ANK2: variants seen among roughly 807,000 people sequenced by gnomAD.
ANK2 encodes the protein ankyrin 2, also known as ankyrin-2.
Under a neutral mutation model 360.5 loss-of-function variants are expected in ANK2, and 83 were observed. The ratio of observed to expected loss-of-function variants is 0.23; its 90% CI spans 0.19 to 0.28. The LOEUF (loss-of-function observed/expected upper bound fraction) is 0.28. ANK2 is among the 10% of genes least tolerant of loss of function. The probability of loss-of-function intolerance (pLI) is 1.00; values close to 1 mark genes in which losing one functional copy is unlikely to be tolerated. For missense variants in ANK2, 4,201 were observed against 4,795.7 expected (o/e 0.88, Z 3.66); for synonymous variants, 1,740 against 1,759.5 (o/e 0.99, Z 0.28).
In ANK2 at chr4:112,951,407, G is replaced by A. The variant is rs538857856; in HGVS notation, c.21+46893G>A. 1.3e-3 allele frequency among the ~76,000 whole-genome samples: 194 copies of A among 152,210 alleles called. 2 individuals are homozygous for A. The Middle Eastern group carries it at 0.014, about 11-fold the overall frequency. On this transcript the variant is annotated intron_variant, in intron 2 of 30. Coordinates refer to the ANK2 transcript ENST00000503271. ...CAGGAGTTATTTTGATAACTAGCTG[G>A]TATAAAAAAGGTTTTTAAAAAGATC...
chr4:112,755,904 C>T, the ANK2 span: 1 of 152,090 alleles, frequency 6.6e-6, no homozygotes, highest in South Asian at 2.1e-4. Context: ...AATACCACTG[C>T]ACTTGGACTA....
chr4:112,974,850 A>G (rs2040819291), intron 2 of ANK2, among the ~76,000 whole-genome samples: 1 of 152,072 alleles, frequency 6.6e-6, no homozygotes, highest in South Asian at 2.1e-4. Context: ...AGAAAAAGAA[A>G]AAAAAAAAAA....
At chr4:112,741,898 T>C in the ANK2 span, among the ~76,000 whole-genome samples, 5 of 152,330 alleles carry the variant, frequency 3.3e-5, no homozygotes, top group African/African-American at 1.2e-4. Flanking sequence ...TTCTTCTGAT[T>C]TATTGATATA....
chr4:113,054,376 A>G (rs1021133044), intron 1 of ANK2, among the ~76,000 whole-genome samples: 1 of 152,168 alleles, frequency 6.6e-6, no homozygotes, highest in Non-Finnish European at 1.5e-5. Flanking sequence ...GCCTAAATAG[A>G]GAGATGAAGG....
Position 113,350,270 on chromosome 4 carries a change from G to A in ANK2, c.4426+21G>A, listed in dbSNP as rs180836681. On this transcript the variant is annotated intron_variant, in intron 37 of 45. Transcript: ENST00000357077. ...AAAAAGTAAGAATTTAAAGAAAATT[G>A]AGTTTGTTTGAAAGCTGGCTACCAT... The A allele has an allele frequency of 4.7e-5, 75 of 1,595,492 alleles. No homozygotes were observed. In the African/African-American group the frequency reaches 7.8e-4, roughly 17 times the overall value.
chr4:112,773,646 G>A, the ANK2 span, among the ~76,000 whole-genome samples: 1 of 152,144 alleles, frequency 6.6e-6, no homozygotes, highest in Non-Finnish European at 1.5e-5. Flanking sequence ...GAAATAGAGA[G>A]ACACATTCAT....
intron 9 of ANK2, among the ~76,000 whole-genome samples, chr4:113,245,171 A>G (rs2042187459): frequency 6.6e-6 from 1 of 152,162 alleles, no homozygotes. Flanking sequence ...CATTCTGGCT[A>G]CAGCTAACAG....
chr4:113,161,798 G>A (rs1355688396), intron 1 of ANK2, among the ~76,000 whole-genome samples: 1 of 151,566 alleles, frequency 6.6e-6, no homozygotes, highest in African/African-American at 2.4e-5. Flanking sequence ...CATTAAATAT[G>A]TTGATGGGTC....
intron 1 of ANK2, among the ~76,000 whole-genome samples, chr4:112,869,536 G>A (rs147284853): frequency 7.4e-4 from 113 of 152,292 alleles, no homozygotes; most frequent in African/African-American, 2.5e-3. Flanking sequence ...ACCTGCCTTG[G>A]TCTCCCAAAG....
At chr4:112,882,125 C>G (rs990535643) in intron 1 of ANK2, 9 of 285,390 alleles carry the variant, frequency 3.2e-5, no homozygotes, top group African/African-American at 1.5e-4. Flanking sequence ...TGTTCCGGCT[C>G]TTTAGGACAG....
chr4:112,899,951 T>G (rs1398874709), intron 1 of ANK2, among the ~76,000 whole-genome samples: 3 of 152,084 alleles, frequency 2.0e-5, no homozygotes, highest in Non-Finnish European at 4.4e-5. Context: ...GGAGGTCATC[T>G]CTCCATATAG....
At chr4:112,707,245 A>T in the ANK2 span, among the ~76,000 whole-genome samples, 91 of 152,338 alleles carry the variant, frequency 6.0e-4, no homozygotes, top group African/African-American at 2.1e-3. Context: ...AGACTCCAGG[A>T]TTTATGAAAA....
chr4:112,963,021 G>A (rs2154261610), intron 2 of ANK2, among the ~76,000 whole-genome samples: 1 of 151,994 alleles, frequency 6.6e-6, no homozygotes, highest in South Asian at 2.1e-4. Context: ...CTTAATTTTT[G>A]AAATACTGCT....
chr4:113,344,840 A>T (rs1168268040), intron 34 of ANK2, among the ~76,000 whole-genome samples: 1 of 152,152 alleles, frequency 6.6e-6, no homozygotes, highest in East Asian at 1.9e-4. Context: ...ATTTGTTTTT[A>T]TTTATTTTTT....
At chr4:112,719,363 C>T in the ANK2 span, among the ~76,000 whole-genome samples, 1 of 152,134 alleles carries the variant, frequency 6.6e-6, no homozygotes, top group Middle Eastern at 3.2e-3. Flanking sequence ...GGGGAAAACA[C>T]TTAGTACTCA....
At chr4:112,717,372 A>G in the ANK2 span, among the ~76,000 whole-genome samples, 10 of 152,180 alleles carry the variant, frequency 6.6e-5, no homozygotes, top group African/African-American at 9.6e-5. Context: ...CTCTTCTGCT[A>G]TCTGTCTGCA....
At chr4:113,204,847 C>T (rs1401968082) in intron 4 of ANK2, among the ~76,000 whole-genome samples, 1 of 152,098 alleles carries the variant, frequency 6.6e-6, no homozygotes, top group African/African-American at 2.4e-5. Context: ...GTGAGTAAAG[C>T]GATTCAGGTG....
intron 1 of ANK2, among the ~76,000 whole-genome samples, chr4:113,069,743 T>C (rs1303440080): frequency 6.6e-6 from 1 of 152,188 alleles, no homozygotes; most frequent in Admixed American, 6.5e-5. Flanking sequence ...TATCCAGTGA[T>C]ATCTATTAAG....
intron 1 of ANK2, among the ~76,000 whole-genome samples, chr4:113,074,732 G>T (rs2079148096): frequency 6.6e-6 from 1 of 152,114 alleles, no homozygotes; most frequent in Non-Finnish European, 1.5e-5. Flanking sequence ...AAAGAATAAG[G>T]CCAGTTCTGT....
Sources: allele counts gnomAD v4.1 joint callset (sites outside exome capture counted in the v4.1 genomes callset), GRCh38; gene constraint gnomAD v4.1.1; transcripts MANE v1.5; gene names NCBI Gene and HGNC (gene_info 2026-07-23, HGNC 2026-07-21).